YWHAQ: variants seen among roughly 807,000 people sequenced by gnomAD.
YWHAQ encodes the protein 14-3-3 protein theta.
In YWHAQ, 6 loss-of-function variants were observed where a neutral mutation model predicts 28.3. The observed-to-expected ratio is 0.21, with a 90% CI of 0.12 to 0.42. YWHAQ has a LOEUF of 0.42. Ranked by LOEUF, YWHAQ falls within the 10% of genes least tolerant of loss-of-function variation. The probability of loss-of-function intolerance (pLI) is 1.00; values close to 1 mark genes in which losing one functional copy is unlikely to be tolerated. For missense variants in YWHAQ, 201 were observed against 305.6 expected (o/e 0.66, Z 2.55); for synonymous variants, 143 against 119.1 (o/e 1.20, Z -1.31).
At chr2:9,599,696 A>T (rs747234433) in intron 2 of YWHAQ, among the ~76,000 whole-genome samples, 1 of 152,214 alleles carries the variant, frequency 6.6e-6, no homozygotes, top group Non-Finnish European at 1.5e-5. Flanking sequence ...ATTCCTTTCA[A>T]ATTATAATTG....
rs776325430 is a variant in YWHAQ at position 9,630,281 on chromosome 2, C to A, written c.172G>T (p.Ala58Ser). ...TCGATGCTAGAGATGACCCTCCAGG[C>A]GGACCTGCGGCCCCCGACCACGTTC... Reference protein sequence around the residue: ...YKNVVGGRRSAWRVISSIEQK... With the variant: ...YKNVVGGRRSSWRVISSIEQK... Residue 58 changes from alanine to serine, a missense_variant, in exon 2 of 6, where the codon GCC becomes TCC. By Grantham distance (99) the Ala-to-Ser change is moderately conservative. Around this residue, in one of 2 missense-constraint regions of YWHAQ, gnomAD observed 162 missense variants for 213.9 expected, o/e 0.76. Coordinates refer to ENST00000238081, the MANE Select transcript of YWHAQ (RefSeq NM_006826.4). The surrounding 1 kb of genome is among the most constrained non-coding windows in gnomAD (Gnocchi z 5.6). 3.7e-6 allele frequency: 6 copies of A among 1,614,194 alleles called. No homozygotes were observed. Among genetic ancestry groups the A allele is most frequent in the Admixed American group, 3.3e-5 (2 of 60,034 alleles).
chr2:9,603,626 T>C (rs1666758636), intron 2 of YWHAQ, among the ~76,000 whole-genome samples: 1 of 151,462 alleles, frequency 6.6e-6, no homozygotes, highest in Non-Finnish European at 1.5e-5. Flanking sequence ...TGTATGTTAT[T>C]AAAACCATAA....
chr2:9,591,659 T>C (rs1275316875), intron 2 of YWHAQ, 144 bp from the exon 3 acceptor site: 2 of 1,092,052 alleles, frequency 1.8e-6, no homozygotes, highest in Admixed American at 2.7e-5. Flanking sequence ...ACTTGAAGCA[T>C]GTTCTTAGAG....
chr2:9,598,156 G>A (rs920059003), intron 2 of YWHAQ, among the ~76,000 whole-genome samples: 36 of 152,118 alleles, frequency 2.4e-4, no homozygotes, highest in Admixed American at 3.3e-4. Context: ...TAACCAATGC[G>A]ACTGATCCTA....
At chr2:9,623,644 A>G (rs754276792) in intron 2 of YWHAQ, among the ~76,000 whole-genome samples, 22 of 152,172 alleles carry the variant, frequency 1.4e-4, no homozygotes, top group Non-Finnish European at 2.1e-4. Context: ...GTGGTGGTGC[A>G]TGCCTGTAAT....
At chr2:9,612,249 C>G (rs953245807) in intron 2 of YWHAQ, among the ~76,000 whole-genome samples, 5 of 152,190 alleles carry the variant, frequency 3.3e-5, no homozygotes, top group Non-Finnish European at 7.3e-5. Context: ...TTTTGGGTTC[C>G]TCTTTCTCGG....
chr2:9,624,523 G>A (rs759894983), intron 2 of YWHAQ, among the ~76,000 whole-genome samples: 1 of 150,928 alleles, frequency 6.6e-6, no homozygotes, highest in African/African-American at 2.5e-5. Context: ...TTATTGGCAT[G>A]GGGGGGGCTG....
rs1413435820 is a variant in YWHAQ, at chr2:9,630,537, G to A, written c.-82-3C>T. On this transcript the variant is annotated splice_polypyrimidine_tract_variant and splice_region_variant and intron_variant, in intron 1 of 5. Coordinates refer to ENST00000238081, the MANE Select transcript of YWHAQ (RefSeq NM_006826.4). This position sits in a 1 kb window ranked among gnomAD's most constrained non-coding sequence, Gnocchi z 5.6. Reference sequence around the variant, plus strand: ...CGCAGCGGGAGGAGCCTCGAGAGCTGCGGAGGGGCGGGGCGGCGAGGCGAG... The same window carrying A: ...CGCAGCGGGAGGAGCCTCGAGAGCTACGGAGGGGCGGGGCGGCGAGGCGAG... The A allele has an allele frequency of 1.5e-6, 2 of 1,328,420 alleles. No homozygotes were observed. The highest frequency in any genetic ancestry group is 2.9e-5 in the Admixed American group (1 of 34,806). 82.3% of individuals were successfully genotyped at this position (1,328,420 alleles called of 1,614,324 possible). A position where few individuals can be genotyped will look rare whatever the true frequency, so the allele number is the denominator to read the frequency against.
chr2:9,629,462 C>T (rs114363831), intron 2 of YWHAQ, among the ~76,000 whole-genome samples: 1 of 152,180 alleles, frequency 6.6e-6, no homozygotes, highest in Non-Finnish European at 1.5e-5. Flanking sequence ...AGTTCAAAAC[C>T]TGGAAAGCTT....
At chr2:9,603,119 G>A (rs1666748259) in intron 2 of YWHAQ, among the ~76,000 whole-genome samples, 1 of 151,556 alleles carries the variant, frequency 6.6e-6, no homozygotes, top group African/African-American at 2.4e-5. Flanking sequence ...CATTCATATA[G>A]CTAAAGTATA....
At position 9,585,314 on chromosome 2, in the gene YWHAQ, C is replaced by T; in HGVS notation, c.710G>A (p.Cys237Tyr). 1 of 1,614,126 alleles carries T rather than the reference C, an allele frequency of 6.2e-7. No homozygotes were observed. The highest frequency in any genetic ancestry group is 8.5e-7 in the Non-Finnish European group (1 of 1,179,970). ...LWTSDSAGEECDAAEGAEN is the reference protein window; with the variant it reads ...LWTSDSAGEEYDAAEGAEN ...GTTTTCAGCCCCTTCTGCCGCATCA[C>T]ATTCTTCTCCTGCACTGTCTGATGT... Residue 237 changes from cysteine to tyrosine, a missense_variant, in exon 6 of 6, where the codon TGT becomes TAT. Coordinates refer to ENST00000238081, the MANE Select transcript of YWHAQ (RefSeq NM_006826.4).
intron 3 of YWHAQ, among the ~76,000 whole-genome samples, chr2:9,589,322 G>A (rs1291662286): frequency 2.6e-5 from 4 of 152,028 alleles, no homozygotes; most frequent in Admixed American, 1.3e-4. Flanking sequence ...AGTGGCTCAC[G>A]CCTGTAATCC....
intron 2 of YWHAQ, among the ~76,000 whole-genome samples, chr2:9,592,594 G>A (rs1666479955): frequency 6.6e-6 from 1 of 151,922 alleles, no homozygotes. Context: ...GCGTGATGGT[G>A]GGCACCTGTA....
intron 3 of YWHAQ, among the ~76,000 whole-genome samples, chr2:9,590,932 G>C (rs1475711077): frequency 1.3e-5 from 2 of 152,096 alleles, no homozygotes; most frequent in African/African-American, 4.8e-5. Flanking sequence ...TCAATGTTAT[G>C]ACCCCTTAAA....
At chr2:9,593,919 T>TACACAC (rs765018439) in intron 2 of YWHAQ, among the ~76,000 whole-genome samples, 16,102 of 123,970 alleles carry the variant, frequency 0.13, 1,245 homozygotes, top group Non-Finnish European at 0.18. Context: ...TATATATATA[T>TACACAC]ATATACACAC....
intron 2 of YWHAQ, among the ~76,000 whole-genome samples, chr2:9,599,754 G>A (rs577343044): frequency 6.6e-6 from 1 of 152,322 alleles, no homozygotes; most frequent in South Asian, 2.1e-4. Flanking sequence ...TGAGGGAGAT[G>A]TACAAGATTA....
chr2:9,602,908 G>A (rs1375621117), intron 2 of YWHAQ, among the ~76,000 whole-genome samples: 2 of 95,074 alleles, frequency 2.1e-5, no homozygotes, highest in Admixed American at 1.4e-4. Context: ...TATATAGTAG[G>A]GACACAGTCT....
intron 2 of YWHAQ, 45 bp from the exon 3 acceptor site, chr2:9,591,560 C>A (rs780753322): frequency 1.9e-6 from 3 of 1,574,114 alleles, no homozygotes; most frequent in Non-Finnish European, 2.6e-6. Context: ...CTTCTGCCTA[C>A]TGTGCATTAT....
rs181250948 is a variant in YWHAQ at position 9,591,231 on chromosome 2, T to A, written c.418+161A>T. 1.0e-3 allele frequency among the ~76,000 whole-genome samples: 152 copies of A among 152,326 alleles called. 1 individual carries two copies. The highest frequency in any genetic ancestry group is 3.3e-3 in the African/African-American group (139 of 41,582). ...CATGTGATGTAAATTTATAATCCAA[T>A]TTTCATTTTTGAGAACATAAGGTAA... On this transcript the variant is annotated intron_variant, in intron 3 of 5. Transcript: ENST00000238081.
Sources: gnomAD v4.1 joint callset for allele counts (sites outside exome capture counted in the v4.1 genomes callset) on GRCh38, gnomAD v4.1.1 for gene constraint, gnomAD v4.1.1 regional missense constraint, Gnocchi (gnomAD v3.1) non-coding constraint, MANE v1.5 for transcripts, NCBI Gene and HGNC (gene_info 2026-07-23, HGNC 2026-07-21) for gene names.